The following ZNF18 variants were observed in gnomAD, a reference collection of about 807,000 sequenced individuals.
ZNF18 encodes zinc finger protein 18, also known as heart development-specific gene 1 protein.
Under a neutral mutation model 58.1 loss-of-function variants are expected in ZNF18, and 42 were observed. That is an observed-to-expected ratio of 0.72 (90% CI 0.56 to 0.93). The LOEUF (loss-of-function observed/expected upper bound fraction) is 0.93. ZNF18 is among the 40% of genes least tolerant of loss of function. The probability of loss-of-function intolerance (pLI) is 0.00; values close to 1 mark genes in which losing one functional copy is unlikely to be tolerated. For missense variants in ZNF18, 540 were observed against 644.2 expected (o/e 0.84, Z 1.75); for synonymous variants, 231 against 239.8 (o/e 0.96, Z 0.34).
At chr17:11,998,822 CTTT>C (rs71142260), upstream of ZNF18, among the ~76,000 whole-genome samples, 1,363 of 108,440 alleles carry the variant, frequency 0.013, 10 homozygotes, top group African/African-American at 0.04. Flanking sequence ...AGTTTCTAGT[CTTT>C]TTTTTTTTTT....
chr17:12,009,149 T>C, the ZNF18 span: 1 of 152,200 alleles, frequency 6.6e-6, no homozygotes, highest in African/African-American at 2.4e-5. Context: ...CTGGCCTTTT[T>C]CCCAGTGAAG....
intron 6 of ZNF18, among the ~76,000 whole-genome samples, chr17:11,979,757 A>G (rs1196696857): frequency 6.6e-6 from 1 of 152,154 alleles, no homozygotes; most frequent in Non-Finnish European, 1.5e-5. Context: ...TAAGTCAAAA[A>G]GCCTTAGAAT....
Position 11,978,435 on chromosome 17 carries a change from C to G in ZNF18, c.1172G>C (p.Arg391Thr), listed in dbSNP as rs199778478. 1.3e-6 allele frequency: 2 copies of G among 1,556,336 alleles called. No individual in the cohort carries two copies. The highest frequency in any genetic ancestry group is 2.7e-5 in the African/African-American group (2 of 72,974). The change falls in exon 7 of 7, where the codon AGA becomes ACA. Residue 391 changes from arginine to threonine, a missense_variant. Physicochemically the swap from Arg to Thr is moderately conservative, Grantham distance 71 (BLOSUM62 -1). Coordinates refer to ENST00000580306, the MANE Select transcript of ZNF18 (RefSeq NM_001303281.2). ...TGGCTGCCCCTTCTGGGAGGTCTCT[C>G]TCTTCTCCTCAAGCCACATGGTGGA... ...EMSTMWLEEK[R>T]ETSQKGQPRA... is the part of the protein sequence containing the mutation.
chr17:11,995,018 A>G (rs1245148193), intron 1 of ZNF18, among the ~76,000 whole-genome samples: 1 of 152,216 alleles, frequency 6.6e-6, no homozygotes, highest in African/African-American at 2.4e-5. Flanking sequence ...GGAGTCACAG[A>G]GGCAGATGAA....
chr17:12,005,928 T>G, the ZNF18 span, among the ~76,000 whole-genome samples: 3 of 152,076 alleles, frequency 2.0e-5, no homozygotes, highest in Non-Finnish European at 4.4e-5. Context: ...AAAGAATGAT[T>G]GATCAAAAAA....
the ZNF18 span, among the ~76,000 whole-genome samples, chr17:12,016,636 T>A: frequency 6.6e-6 from 1 of 152,068 alleles, no homozygotes; most frequent in East Asian, 1.9e-4. Flanking sequence ...AGTCCTTTTT[T>A]TTTTTGTTCC....
chr17:12,011,174 C>G, the ZNF18 span: 158 of 584,912 alleles, frequency 2.7e-4, 2 homozygotes, highest in Non-Finnish European at 1.8e-4. Context: ...TTCTAAAACT[C>G]CTGGAGAACA....
chr17:12,012,051 A>C, the ZNF18 span, among the ~76,000 whole-genome samples: 2 of 152,228 alleles, frequency 1.3e-5, no homozygotes, highest in African/African-American at 4.8e-5. Flanking sequence ...TGACATTTAC[A>C]GTCCATAAGC....
rs9908759 is a variant in ZNF18 at position 11,986,417 on chromosome 17, G to C, written c.667-2220C>G. Among the ~76,000 whole-genome samples, 322 of 152,310 alleles carry C rather than the reference G, an allele frequency of 2.1e-3. 2 individuals are homozygous for C. The highest frequency in any genetic ancestry group is 7.2e-3 in the African/African-American group (299 of 41,576). ...AAGGAGAAAAGAGATACCAAAAACT[G>C]TTCAATTAGCAGGTGCTAAGCCAAA... is the stretch of plus-strand genomic sequence containing the variant. On this transcript the variant is annotated intron_variant, in intron 4 of 6. Transcript: ENST00000580306.
At chr17:11,984,611 T>C (rs902105290) in intron 4 of ZNF18, among the ~76,000 whole-genome samples, 7 of 151,922 alleles carry the variant, frequency 4.6e-5, no homozygotes, top group African/African-American at 1.7e-4. Flanking sequence ...CCTCCCAGGT[T>C]CAAGCGATTC....
chr17:11,981,900 G>A (rs1967384662), intron 6 of ZNF18, among the ~76,000 whole-genome samples: 1 of 152,100 alleles, frequency 6.6e-6, no homozygotes, highest in Non-Finnish European at 1.5e-5. Flanking sequence ...TTCATACGTT[G>A]AAACCCTAGC....
chr17:12,020,179 A>C, the ZNF18 span, among the ~76,000 whole-genome samples: 2 of 152,216 alleles, frequency 1.3e-5, no homozygotes, highest in African/African-American at 4.8e-5. Context: ...ATGGTGATGT[A>C]GATAGCATAT....
At chr17:11,982,657 A>AGTGTGTGTGTGTGT (rs143602913) in intron 6 of ZNF18, among the ~76,000 whole-genome samples, 1,450 of 136,790 alleles carry the variant, frequency 0.011, 15 homozygotes, top group Middle Eastern at 0.035. Context: ...TATATATAAA[A>AGTGTGTGTGTGTGT]GTGTGTGTGT....
At chr17:11,980,056 T>TGC (rs1967239452) in intron 6 of ZNF18, among the ~76,000 whole-genome samples, 1 of 152,194 alleles carries the variant, frequency 6.6e-6, no homozygotes, top group Non-Finnish European at 1.5e-5. Flanking sequence ...AAGGAATTTC[T>TGC]CAAAGTAGAA....
At chr17:11,997,992 T>C (rs1352498694), upstream of ZNF18, among the ~76,000 whole-genome samples, 1 of 152,110 alleles carries the variant, frequency 6.6e-6, no homozygotes, top group Non-Finnish European at 1.5e-5. Context: ...CTCCCACTTC[T>C]CCCCATTCCG....
At chr17:11,990,422 TA>T in intron 4 of ZNF18, 39 bp downstream of exon 4, 2 of 1,557,124 alleles carry the variant, frequency 1.3e-6, no homozygotes, top group Non-Finnish European at 8.8e-7. Context: ...TTATAAAAGG[TA>T]AAAAGTTTCC....
intron 4 of ZNF18, among the ~76,000 whole-genome samples, chr17:11,989,654 A>G (rs1293924236): frequency 6.6e-6 from 1 of 152,242 alleles, no homozygotes; most frequent in East Asian, 1.9e-4. Context: ...ACTTAAAGAC[A>G]TCAAAATAGA....
At chr17:12,002,164 G>A (rs912332766), upstream of ZNF18, 2 of 152,156 alleles carry the variant, frequency 1.3e-5, no homozygotes, top group East Asian at 1.9e-4. Flanking sequence ...CACTGTGGGA[G>A]GCCAAGGTGG....
chr17:11,991,592 A>G (rs952583137), intron 2 of ZNF18, among the ~76,000 whole-genome samples: 1 of 152,210 alleles, frequency 6.6e-6, no homozygotes, highest in African/African-American at 2.4e-5. Context: ...TAAGAAATAC[A>G]CATTTAGTCT....
Sources: gnomAD v4.1 joint callset for allele counts (sites outside exome capture counted in the v4.1 genomes callset) on GRCh38, gnomAD v4.1.1 for gene constraint, MANE v1.5 for transcripts, NCBI Gene and HGNC (gene_info 2026-07-23, HGNC 2026-07-21) for gene names.